Variants in DAB1 observed in about 807,000 individuals in gnomAD.
The protein encoded by DAB1 is disabled homolog 1.
A neutral mutation model predicts 64.6 loss-of-function variants in DAB1; 15 were observed. The observed-to-expected ratio is 0.23, with a 90% CI of 0.16 to 0.36. The LOEUF (loss-of-function observed/expected upper bound fraction) is 0.36. Among genes scored for constraint, DAB1 ranks in the 10% least tolerant of loss-of-function variants. The pLI is 1.00. For missense variants in DAB1, 596 were observed against 706.7 expected (o/e 0.84, Z 1.78); for synonymous variants, 235 against 251.9 (o/e 0.93, Z 0.64).
intron 3 of DAB1, among the ~76,000 whole-genome samples, chr1:58,447,978 C>A (rs1157475380): frequency 6.6e-6 from 1 of 151,898 alleles, no homozygotes; most frequent in African/African-American, 2.4e-5. Flanking sequence ...CCTTGCCATT[C>A]CCCCGGGGGA....
intron 7 of DAB1, among the ~76,000 whole-genome samples, chr1:57,527,330 C>T (rs1644604980): frequency 6.6e-6 from 1 of 152,118 alleles, no homozygotes; most frequent in Non-Finnish European, 1.5e-5. Flanking sequence ...CAACTTTTTT[C>T]TTAACTCAGA....
At chr1:58,467,015 G>C (rs2100322602) in intron 3 of DAB1, among the ~76,000 whole-genome samples, 1 of 152,310 alleles carries the variant, frequency 6.6e-6, no homozygotes, top group East Asian at 1.9e-4. Context: ...GTGTGATGCA[G>C]ATACAGTGCC....
At chr1:57,726,218 G>A (rs1647208411) in intron 6 of DAB1, among the ~76,000 whole-genome samples, 1 of 152,206 alleles carries the variant, frequency 6.6e-6, no homozygotes, top group African/African-American at 2.4e-5. Context: ...CAGCCAAGGT[G>A]GAAGGGATGC....
chr1:57,626,800 A>C (rs1213185156), intron 7 of DAB1, among the ~76,000 whole-genome samples: 1 of 152,112 alleles, frequency 6.6e-6, no homozygotes, highest in Non-Finnish European at 1.5e-5. Context: ...TAAAGGCACT[A>C]GTCTTACTTA....
intron 1 of DAB1, among the ~76,000 whole-genome samples, chr1:57,353,122 C>CAT (rs1290398762): frequency 7.0e-6 from 1 of 143,210 alleles, no homozygotes; most frequent in Non-Finnish European, 1.5e-5. Context: ...CATACACACA[C>CAT]ACACACACAC....
chr1:58,345,915 A>T (rs530001386), intron 3 of DAB1, among the ~76,000 whole-genome samples: 4 of 152,122 alleles, frequency 2.6e-5, no homozygotes, highest in Admixed American at 1.3e-4. Flanking sequence ...GGTCAATTCT[A>T]TAGATTTTTT....
At chr1:57,598,494 A>T (rs1168153419) in intron 7 of DAB1, among the ~76,000 whole-genome samples, 1 of 152,248 alleles carries the variant, frequency 6.6e-6, no homozygotes, top group Admixed American at 6.5e-5. Flanking sequence ...TAAAGCTCTT[A>T]GCATAGTCTC....
At chr1:58,425,271 A>G (rs1644811601) in intron 3 of DAB1, among the ~76,000 whole-genome samples, 1 of 152,236 alleles carries the variant, frequency 6.6e-6, no homozygotes. Context: ...GGACTGCCAG[A>G]AAGTCCTGAA....
At position 57,461,182 on chromosome 1, in the gene DAB1, C is replaced by A. The variant is rs938530673; in HGVS notation, n.626-170016G>T. On this transcript the variant is annotated intron_variant and non_coding_transcript_variant, in intron 7 of 20. Coordinates refer to the DAB1 transcript ENST00000485760. ...TGACTCTCCATTTATCAAAGCAGAT[C>A]TGTACCACAGCAACACACAGAGTTA... 4.6e-5 allele frequency among the ~76,000 whole-genome samples: 7 copies of A among 152,328 alleles called. No homozygotes were observed. The South Asian group carries it at 1.0e-3, about 23-fold the overall frequency.
chr1:57,091,170 G>T (rs75953594), intron 4 of DAB1, among the ~76,000 whole-genome samples: 1 of 152,046 alleles, frequency 6.6e-6, no homozygotes, highest in Non-Finnish European at 1.5e-5. Flanking sequence ...CTCACTCAGG[G>T]TGAGTGGAAA....
intron 6 of DAB1, among the ~76,000 whole-genome samples, chr1:57,752,128 A>G (rs1648585225): frequency 6.6e-6 from 1 of 152,228 alleles, no homozygotes; most frequent in Non-Finnish European, 1.5e-5. Flanking sequence ...CAAACCCACA[A>G]TCAAATAGAA....
intron 1 of DAB1, among the ~76,000 whole-genome samples, chr1:57,857,845 T>C (rs1653823586): frequency 1.5e-5 from 2 of 134,474 alleles, no homozygotes; most frequent in Non-Finnish European, 3.1e-5. Flanking sequence ...AATCATAGAA[T>C]GTTCATACAA....
At chr1:58,048,929 C>G (rs1487939400) in intron 5 of DAB1, 6 of 872,528 alleles carry the variant, frequency 6.9e-6, no homozygotes, top group South Asian at 3.9e-5. Context: ...AAAATAATCT[C>G]TTAGGTGATG....
intron 2 of DAB1, among the ~76,000 whole-genome samples, chr1:57,199,401 C>T (rs1024033510): frequency 6.6e-5 from 10 of 152,172 alleles, no homozygotes; most frequent in African/African-American, 1.2e-4. Flanking sequence ...GAGGTGCAAA[C>T]ACCTGGAGAG....
chr1:57,509,731 C>A (rs898720997), intron 7 of DAB1, among the ~76,000 whole-genome samples: 4 of 152,172 alleles, frequency 2.6e-5, no homozygotes, highest in Non-Finnish European at 5.9e-5. Context: ...CAAAGGCAAA[C>A]CCCACCACTT....
intron 7 of DAB1, among the ~76,000 whole-genome samples, chr1:57,461,306 T>G (rs2101179730): frequency 6.6e-6 from 1 of 152,192 alleles, no homozygotes; most frequent in East Asian, 1.9e-4. Context: ...GATACAAACA[T>G]ACATTTGGTG....
intron 5 of DAB1, among the ~76,000 whole-genome samples, chr1:58,010,309 C>G (rs1646648937): frequency 1.3e-5 from 2 of 152,156 alleles, no homozygotes; most frequent in South Asian, 4.1e-4. Context: ...AAAGAAGGAT[C>G]ATATTTTGCC....
intron 5 of DAB1, among the ~76,000 whole-genome samples, chr1:57,991,111 T>C (rs1295312048): frequency 6.6e-6 from 1 of 152,218 alleles, no homozygotes; most frequent in Non-Finnish European, 1.5e-5. Context: ...AAATTTCTCC[T>C]GCCTACCACA....
chr1:58,292,927 C>T (rs918694501), intron 4 of DAB1, among the ~76,000 whole-genome samples: 2 of 152,164 alleles, frequency 1.3e-5, no homozygotes, highest in Non-Finnish European at 2.9e-5. Flanking sequence ...TTCCTGCCTT[C>T]ACCGAGATCA....
Sources: allele counts gnomAD v4.1 joint callset (sites outside exome capture counted in the v4.1 genomes callset), GRCh38; gene constraint gnomAD v4.1.1; transcripts MANE v1.5; gene names NCBI Gene and HGNC (gene_info 2026-07-23, HGNC 2026-07-21).